MRTFA: variants seen among roughly 807,000 people sequenced by gnomAD.
MRTFA encodes myocardin related transcription factor A, also known as myocardin-related transcription factor A.
In MRTFA, 20 loss-of-function variants were observed where a neutral mutation model predicts 83.5. That is an observed-to-expected ratio of 0.24 (90% CI 0.17 to 0.35). MRTFA has a LOEUF of 0.35. Ranked by LOEUF, MRTFA falls within the 10% of genes least tolerant of loss-of-function variation. The probability of loss-of-function intolerance (pLI) is 1.00; values close to 1 mark genes in which losing one functional copy is unlikely to be tolerated. For synonymous variants in MRTFA, 659 were observed against 541.2 expected (o/e 1.22, Z -3.02); for missense variants, 1,200 against 1,224.7 (o/e 0.98, Z 0.30).
intron 4 of MRTFA, among the ~76,000 whole-genome samples, chr22:40,459,559 T>G (rs544481484): frequency 1.3e-5 from 2 of 151,944 alleles, no homozygotes; most frequent in African/African-American, 4.8e-5. Flanking sequence ...AGTATACAAT[T>G]AGATATTCAG....
chr22:40,419,061 C>T lies in MRTFA; in HGVS notation c.1677G>A (p.Glu559=). The change falls in exon 12 of 15, where the codon GAG becomes GAA. Residue 559 remains glutamate (E), a synonymous_variant. Transcript: ENST00000355630. ...CATCGCCCGTGCTGAGCAGTGAGCG[C>T]TCCGAGGGGGTGGGAGACACGGGGG... 6.2e-7 allele frequency: 1 copy of T among 1,610,240 alleles called. No individual in the cohort carries two copies. The highest frequency in any genetic ancestry group is 1.7e-5 in the Admixed American group (1 of 59,670).
intron 2 of MRTFA, among the ~76,000 whole-genome samples, chr22:40,553,321 C>T (rs1365519410): frequency 6.6e-6 from 1 of 152,146 alleles, no homozygotes; most frequent in Non-Finnish European, 1.5e-5. Context: ...ATGGGGAAAA[C>T]GTCTCCAGGG....
intron 2 of MRTFA, among the ~76,000 whole-genome samples, chr22:40,573,144 T>G (rs2055821139): frequency 6.6e-6 from 1 of 152,146 alleles, no homozygotes; most frequent in Non-Finnish European, 1.5e-5. Flanking sequence ...GGAAGGAGTA[T>G]GAAGTTTCTT....
At chr22:40,569,719 ACATACATAC>A (rs1263360664) in intron 2 of MRTFA, 31 of 1,942 alleles carry the variant, frequency 0.016, no homozygotes, top group African/African-American at 0.1. Context: ...CATAATTAAT[ACATACATAC>A]ATACATACAT....
chr22:40,470,653 A>G (rs557519207), intron 3 of MRTFA, among the ~76,000 whole-genome samples: 1 of 152,268 alleles, frequency 6.6e-6, no homozygotes, highest in South Asian at 2.1e-4. Flanking sequence ...AATGATACAG[A>G]AAACAGAAAA....
At chr22:40,438,437 AG>A (rs1425121772) in intron 4 of MRTFA, among the ~76,000 whole-genome samples, 1 of 152,188 alleles carries the variant, frequency 6.6e-6, no homozygotes, top group Non-Finnish European at 1.5e-5. Context: ...CTATCCCCAA[AG>A]GGTAAGGCAC....
At chr22:40,419,494 C>A (rs973890153) in intron 11 of MRTFA, 110 bp from the exon 12 acceptor site, 10 of 923,432 alleles carry the variant, frequency 1.1e-5, no homozygotes, top group African/African-American at 5.0e-5. Context: ...GCATCAACTA[C>A]CCTAATCCTC....
At chr22:40,632,711 C>T (rs1013385281) in intron 1 of MRTFA, among the ~76,000 whole-genome samples, 2 of 152,182 alleles carry the variant, frequency 1.3e-5, no homozygotes, top group African/African-American at 4.8e-5. Context: ...GCTGAGAATA[C>T]ATGTGTGAGC....
At chr22:40,499,327 G>A (rs906770577) in intron 3 of MRTFA, among the ~76,000 whole-genome samples, 3 of 152,062 alleles carry the variant, frequency 2.0e-5, no homozygotes, top group African/African-American at 4.8e-5. Flanking sequence ...GACTAATACT[G>A]AGTCATTTAA....
At chr22:40,424,718 G>T (rs1208998581) in intron 7 of MRTFA, among the ~76,000 whole-genome samples, 9 of 152,098 alleles carry the variant, frequency 5.9e-5, no homozygotes, top group Admixed American at 3.9e-4. Context: ...CTCCTCCCTG[G>T]GAGACCCGGG....
At chr22:40,459,822 C>CACATATACAT (rs1308675939) in intron 4 of MRTFA, among the ~76,000 whole-genome samples, 18 of 68,252 alleles carry the variant, frequency 2.6e-4, no homozygotes, top group African/African-American at 7.7e-4. Context: ...CACACACACA[C>CACATATACAT]ATATATACAT....
At chr22:40,525,125 G>A (rs2054944162) in intron 3 of MRTFA, among the ~76,000 whole-genome samples, 3 of 151,876 alleles carry the variant, frequency 2.0e-5, no homozygotes, top group Admixed American at 6.6e-5. Context: ...AAGCTTTATT[G>A]GAATACAAAA....
chr22:40,545,185 T>C (rs1240546557), intron 3 of MRTFA, among the ~76,000 whole-genome samples: 2 of 152,178 alleles, frequency 1.3e-5, no homozygotes, highest in African/African-American at 4.8e-5. Context: ...AAGCCCTGGC[T>C]AGATAGGATC....
intron 1 of MRTFA, among the ~76,000 whole-genome samples, chr22:40,611,402 C>CT (rs888692391): frequency 1.1e-4 from 17 of 148,022 alleles, no homozygotes; most frequent in African/African-American, 2.2e-4. Context: ...CCACATCCAG[C>CT]TTTTTTTTTT....
chr22:40,622,888 G>A (rs1602507184), intron 1 of MRTFA, among the ~76,000 whole-genome samples: 1 of 152,188 alleles, frequency 6.6e-6, no homozygotes, highest in East Asian at 1.9e-4. Context: ...GGGTGATTAT[G>A]GTGGAGATGA....
At chr22:40,623,846 GGTTCAC>G (rs1212676343) in intron 1 of MRTFA, among the ~76,000 whole-genome samples, 1 of 152,180 alleles carries the variant, frequency 6.6e-6, no homozygotes, top group African/African-American at 2.4e-5. Flanking sequence ...CAAGCATGGT[GGTTCAC>G]GTCTGTAATC....
chr22:40,542,698 T>C lies in MRTFA; in HGVS notation c.241+9408A>G, dbSNP rs565780462. ...GTGTGAAAAACAGAAAATGATTCAA[T>C]TGTCCAACTAAGGAGAAAGTAAATA... On this transcript the variant is annotated intron_variant, in intron 3 of 14. Coordinates refer to ENST00000355630, the MANE Select transcript of MRTFA (RefSeq NM_020831.6). 5.9e-5 allele frequency among the ~76,000 whole-genome samples: 9 copies of C among 152,298 alleles called. No homozygotes were observed. The East Asian group carries it at 1.7e-3, about 29-fold the overall frequency.
intron 3 of MRTFA, 184 bp from the exon 4 acceptor site, chr22:40,463,470 G>A: frequency 1.8e-6 from 1 of 556,322 alleles, no homozygotes; most frequent in Non-Finnish European, 3.2e-6. Context: ...TCCGTATTCT[G>A]CTGTGGGCGG....
At chr22:40,539,960 A>C (rs2055262772) in intron 3 of MRTFA, among the ~76,000 whole-genome samples, 1 of 142,160 alleles carries the variant, frequency 7.0e-6, no homozygotes, top group South Asian at 2.2e-4. Flanking sequence ...CCCAGACAAG[A>C]GTACAGTGGA....
Sources: allele counts gnomAD v4.1 joint callset (sites outside exome capture counted in the v4.1 genomes callset), GRCh38; gene constraint gnomAD v4.1.1; transcripts MANE v1.5; gene names NCBI Gene and HGNC (gene_info 2026-07-23, HGNC 2026-07-21).